The following ST18 variants were observed in gnomAD, a reference collection of about 807,000 sequenced individuals.
The protein encoded by ST18 is ST18 C2H2C-type zinc finger transcription factor, also known as suppression of tumorigenicity 18 protein.
A neutral mutation model predicts 110.0 loss-of-function variants in ST18; 50 were observed. The ratio of observed to expected loss-of-function variants is 0.45; its 90% confidence interval spans 0.36 to 0.58. The LOEUF (loss-of-function observed/expected upper bound fraction) is 0.58. Among genes scored for constraint, ST18 ranks in the 20% least tolerant of loss-of-function variants. ST18 has a pLI of 0.00. For missense variants in ST18, 1,306 were observed against 1,280.1 expected, an observed-to-expected ratio of 1.02 and a Z score of -0.31; for synonymous variants, 461 against 452.4, an observed-to-expected ratio of 1.02 and a Z score of -0.24.
chr8:52,373,200 C>T (rs1830865959), intron 2 of ST18, among the ~76,000 whole-genome samples: 1 of 152,140 alleles, frequency 6.6e-6, no homozygotes, highest in South Asian at 2.1e-4. Flanking sequence ...CTCAATCAGC[C>T]TGGGAGACAG....
intron 9 of ST18, among the ~76,000 whole-genome samples, chr8:52,172,802 A>G (rs1587705979): frequency 6.6e-6 from 1 of 152,224 alleles, no homozygotes; most frequent in East Asian, 1.9e-4. Context: ...GAGAAAACTT[A>G]GACCTTAATA....
At chr8:52,244,550 A>G (rs980154006) in intron 2 of ST18, among the ~76,000 whole-genome samples, 1 of 152,194 alleles carries the variant, frequency 6.6e-6, no homozygotes, top group African/African-American at 2.4e-5. Context: ...ATGAAGTCAG[A>G]AGCAAAAAAA....
intron 15 of ST18, among the ~76,000 whole-genome samples, chr8:52,155,683 T>C (rs111738822): frequency 1.1e-4 from 17 of 152,318 alleles, no homozygotes; most frequent in African/African-American, 4.1e-4. Flanking sequence ...GTTATATTTT[T>C]AGAGTGTGTA....
chr8:52,137,535 T>G (rs1172334565), intron 17 of ST18, 52 bp from the exon 18 acceptor site: 1 of 1,587,118 alleles, frequency 6.3e-7, no homozygotes, highest in Non-Finnish European at 8.6e-7. Context: ...CCCAGGTTCA[T>G]TTCCTCTGCC....
chr8:52,251,557 A>T (rs1342049602), intron 2 of ST18, among the ~76,000 whole-genome samples: 1 of 152,020 alleles, frequency 6.6e-6, no homozygotes, highest in African/African-American at 2.4e-5. Context: ...TTGTCATAAA[A>T]ATCAACACCG....
chr8:52,227,936 T>C (rs2090033005), intron 3 of ST18, among the ~76,000 whole-genome samples: 1 of 152,218 alleles, frequency 6.6e-6, no homozygotes, highest in Non-Finnish European at 1.5e-5. Flanking sequence ...GTGGTCATAA[T>C]AGGTGCTCAA....
chr8:52,158,469 T>C (rs2060555379), intron 15 of ST18, among the ~76,000 whole-genome samples: 1 of 152,248 alleles, frequency 6.6e-6, no homozygotes, highest in Non-Finnish European at 1.5e-5. Context: ...ATTTTGCAAA[T>C]GTTTCACAAG....
intron 10 of ST18, 175 bp downstream of exon 10, chr8:52,171,617 G>A: frequency 1.3e-6 from 1 of 750,540 alleles, no homozygotes; most frequent in Non-Finnish European, 2.3e-6. Flanking sequence ...CTTGATTGGA[G>A]GATAATCTAG....
intron 2 of ST18, among the ~76,000 whole-genome samples, chr8:52,289,358 G>A (rs752999804): frequency 2.0e-5 from 3 of 152,096 alleles, no homozygotes; most frequent in South Asian, 2.1e-4. Flanking sequence ...TACTTGGGAC[G>A]CTGAGGCAGG....
At chr8:52,163,739 C>T (rs1490361818) in intron 13 of ST18, among the ~76,000 whole-genome samples, 1 of 152,058 alleles carries the variant, frequency 6.6e-6, no homozygotes, top group Non-Finnish European at 1.5e-5. Context: ...AGATTCACCC[C>T]TATTATGTTA....
chr8:52,254,199 T>G (rs2094450203), intron 2 of ST18: 1 of 152,078 alleles, frequency 6.6e-6, no homozygotes. Context: ...AAATTCCGAG[T>G]GGCTTAAATG....
chr8:52,384,631 A>AC, intron 2 of ST18, among the ~76,000 whole-genome samples: 1 of 151,712 alleles, frequency 6.6e-6, no homozygotes, highest in African/African-American at 2.4e-5. Flanking sequence ...ACAATGCCAC[A>AC]CCTCCCCCGC....
At chr8:52,214,130 G>A in intron 7 of ST18, 73 bp downstream of exon 7, 1 of 1,452,444 alleles carries the variant, frequency 6.9e-7, no homozygotes, top group Non-Finnish European at 9.7e-7. Flanking sequence ...TGCACACGAG[G>A]GACTGAGCAC....
chr8:52,213,021 A>G (rs2082769212), intron 7 of ST18, among the ~76,000 whole-genome samples: 1 of 152,234 alleles, frequency 6.6e-6, no homozygotes, highest in African/African-American at 2.4e-5. Context: ...TTAAGCTGGT[A>G]TCCTATTGAG....
chr8:52,173,843 G>A (rs953333325), intron 9 of ST18, among the ~76,000 whole-genome samples: 4 of 152,308 alleles, frequency 2.6e-5, no homozygotes, highest in African/African-American at 9.6e-5. Flanking sequence ...CAGCCATCCG[G>A]TGTGAGCACT....
intron 2 of ST18, among the ~76,000 whole-genome samples, chr8:52,358,900 A>G (rs1824376404): frequency 1.3e-5 from 2 of 151,948 alleles, no homozygotes; most frequent in Non-Finnish European, 2.9e-5. Flanking sequence ...AAGCCAGATA[A>G]AGACATCAGA....
At chr8:52,325,560 T>A in intron 2 of ST18, among the ~76,000 whole-genome samples, 1 of 152,336 alleles carries the variant, frequency 6.6e-6, no homozygotes, top group East Asian at 1.9e-4. Context: ...TTGTTATAAT[T>A]ATTATTACAC....
Position 52,159,105 on chromosome 8 carries a change from C to T in ST18, c.1599G>A (p.Lys533=). Residue 533 remains lysine, a synonymous_variant, in exon 15 of 26, where the codon AAG becomes AAA. Coordinates refer to ENST00000689386, the MANE Select transcript of ST18 (RefSeq NM_001352837.2). ...GRKTPPFPES[K]HFPNPVKFPN... is the part of the protein sequence containing the mutation. ...GAAATTTCACTGGATTTGGAAAATGCTTTGCTGTTGAAGAGAGATTTGATT... is the reference window on the plus strand; with the variant it reads ...GAAATTTCACTGGATTTGGAAAATGTTTTGCTGTTGAAGAGAGATTTGATT... 6.2e-7 allele frequency: 1 copy of T among 1,613,562 alleles called. No individual in the cohort carries two copies. Among genetic ancestry groups the T allele is most frequent in the Non-Finnish European group, 8.5e-7 (1 of 1,179,932 alleles).
chr8:52,380,387 T>A (rs1204715704), intron 2 of ST18, among the ~76,000 whole-genome samples: 1 of 152,162 alleles, frequency 6.6e-6, no homozygotes, highest in African/African-American at 2.4e-5. Context: ...ATGTCATCTG[T>A]AAGGCTTCCA....
Sources: allele counts gnomAD v4.1 joint callset (sites outside exome capture counted in the v4.1 genomes callset), GRCh38; gene constraint gnomAD v4.1.1; transcripts MANE v1.5; gene names NCBI Gene and HGNC (gene_info 2026-07-23, HGNC 2026-07-21).